The following PRICKLE4 variants were observed in gnomAD, a reference collection of about 807,000 sequenced individuals.
PRICKLE4 encodes the protein prickle planar cell polarity protein 4, also known as prickle-like protein 4.
In PRICKLE4, 40 loss-of-function variants were observed where a neutral mutation model predicts 43.5. The ratio of observed to expected loss-of-function variants is 0.92; its 90% confidence interval spans 0.71 to 1.20. The LOEUF is 1.20. PRICKLE4 is among the 50% of genes most tolerant of loss of function. The probability of loss-of-function intolerance (pLI) is 0.00; values close to 1 mark genes in which losing one functional copy is unlikely to be tolerated. For synonymous variants in PRICKLE4, 208 were observed against 197.4 expected (o/e 1.05, Z -0.45); for missense variants, 527 against 491.2 (o/e 1.07, Z -0.69).
intron 3 of PRICKLE4, chr6:41,783,814 G>A (rs757730499): frequency 2.6e-5 from 21 of 803,058 alleles, no homozygotes; most frequent in Non-Finnish European, 3.7e-5. Context: ...ATCTCTCCTA[G>A]GGGGTCTGTA....
chr6:41,787,219 T>C lies in PRICKLE4; in HGVS notation c.*90T>C, dbSNP rs1364029700. 1 of 1,464,672 alleles carries C rather than the reference T, an allele frequency of 6.8e-7. No homozygotes were observed. The highest frequency in any genetic ancestry group is 1.4e-5 in the African/African-American group (1 of 70,662). 90.7% of individuals were successfully genotyped at this position (1,464,672 alleles called of 1,614,324 possible). ...TAGCCTCCCCCTAACAATCCTAGAC[T>C]GAGACGCAGTCAGGCGCACGCCCGC... is the stretch of plus-strand genomic sequence containing the variant. On this transcript the variant is annotated 3_prime_UTR_variant, in exon 8 of 8. Coordinates refer to ENST00000458694, the MANE Select transcript of PRICKLE4 (RefSeq NM_013397.6).
rs1772669916 is a variant in PRICKLE4, at chr6:41,786,926, G to A, written c.952G>A (p.Glu318Lys). 6.2e-7 allele frequency: 1 copy of A among 1,613,916 alleles called. No homozygotes were observed. The change falls in exon 8 of 8, where the codon GAG becomes AAG. Residue 318 changes from glutamate to lysine, a missense_variant. Coordinates refer to ENST00000458694, the MANE Select transcript of PRICKLE4 (RefSeq NM_013397.6). ...QQENRPGDKA[E>K]APKGQEQCRL... ...GGAGAACCGACCTGGGGACAAAGCGGAGGCACCCAAAGGGCAGGAGCAATG... is the reference window on the plus strand; with the variant it reads ...GGAGAACCGACCTGGGGACAAAGCGAAGGCACCCAAAGGGCAGGAGCAATG...
In PRICKLE4 at chr6:41,786,268, C is replaced by T. The variant is rs760425762; in HGVS notation, c.723C>T (p.Phe241=). The T allele has an allele frequency of 1.3e-5, 20 of 1,599,208 alleles. No individual in the cohort carries two copies. The South Asian group carries it at 2.2e-4, about 18-fold the overall frequency. Residue 241 remains phenylalanine, a synonymous_variant, in exon 7 of 8, where the codon TTC becomes TTT. Transcript: ENST00000458694. ...PGGSPCCPSC[F]ENRYSDAGSS... The stretch of plus-strand genomic sequence containing the variant: ...GAAGCCCCTGCTGCCCCAGCTGCTT[C>T]GAGAACCGCTACTCGGATGCAGGCT...
intron 7 of PRICKLE4, 180 bp downstream of exon 7, chr6:41,786,512 C>A (rs1223271359): frequency 9.7e-7 from 1 of 1,031,664 alleles, no homozygotes; most frequent in Admixed American, 2.0e-5. Context: ...CTGGCCGGAG[C>A]GTTCCAAGGG....
Position 41,786,771 on chromosome 6 carries a change from G to C in PRICKLE4, c.797G>C (p.Gly266Ala). Residue 266 changes from glycine (G) to alanine (A), a missense_variant, in exon 8 of 8, where the codon GGA (glycine) becomes GCA (alanine). By Grantham distance (60) the Gly-to-Ala change is moderately conservative. Coordinates refer to ENST00000458694, the MANE Select transcript of PRICKLE4 (RefSeq NM_013397.6). ...ACCCGGCCCGGAACAGGGGAGACTG[G>C]ACTCGACCGAACTGAAGGAAGGGAC... is the stretch of plus-strand genomic sequence containing the variant. The part of the protein sequence containing the change: ...LEGQAFLGET[G>A]LDRTEGRDQT... 6.2e-7 allele frequency: 1 copy of C among 1,612,976 alleles called. No individual in the cohort carries two copies.
chr6:41,784,358 C>G, intron 4 of PRICKLE4, 120 bp downstream of exon 4: 2 of 776,210 alleles, frequency 2.6e-6, no homozygotes, highest in South Asian at 2.0e-5. Flanking sequence ...AGCTATGGCA[C>G]TGGTTGGGGC....
intron 7 of PRICKLE4, 148 bp downstream of exon 7, chr6:41,786,480 C>T (rs745547675): frequency 9.3e-7 from 1 of 1,073,026 alleles, no homozygotes; most frequent in Non-Finnish European, 1.4e-6. Flanking sequence ...GCCTCGGGGC[C>T]CGCAGCTCTC....
chr6:41,785,037 G>A lies in PRICKLE4; in HGVS notation c.343G>A (p.Val115Ile), dbSNP rs1561896161. 6.2e-7 allele frequency: 1 copy of A among 1,613,274 alleles called. No homozygotes were observed. Among genetic ancestry groups the A allele is most frequent in the Non-Finnish European group, 8.5e-7 (1 of 1,179,740 alleles). Residue 115 changes from valine (V) to isoleucine (I), a missense_variant, in exon 5 of 8, where the codon GTA (valine) becomes ATA (isoleucine). Transcript: ENST00000458694. The stretch of plus-strand genomic sequence containing the variant: ...CCTGGGACAGGGGGTAGCCCGCCTG[G>A]TACTTCCCAAGCTTGAAGGACACAC... ...EALGQGVARL[V>I]LPKLEGHTCE...
chr6:41,780,832 A>C lies in PRICKLE4; in HGVS notation c.-184+6A>C. On this transcript the variant is annotated splice_donor_region_variant and intron_variant, in intron 1 of 7. Coordinates refer to ENST00000458694, the MANE Select transcript of PRICKLE4 (RefSeq NM_013397.6). ...GACAGCGACGCACAGCGAGGGTGAG[A>C]CCCCAGCGGAGTCCTGGTCCCCTCC... 5.2e-6 allele frequency: 1 copy of C among 191,592 alleles called. No individual in the cohort carries two copies. The highest frequency in any genetic ancestry group is 1.1e-5 in the Non-Finnish European group (1 of 90,412). 11.9% of individuals were successfully genotyped at this position (191,592 alleles called of 1,614,324 possible). A position where few individuals can be genotyped will look rare whatever the true frequency, so the allele number is the denominator to read the frequency against.
chr6:41,786,401 G>A lies in PRICKLE4; in HGVS notation c.787+69G>A, dbSNP rs766436999. ...GGGCTGTGGGGGTTCTCCCGGGCTG[G>A]GACCCTCGCCCCGGTCCCACGCCGT... On this transcript the variant is annotated intron_variant, in intron 7 of 7. Transcript: ENST00000458694. The A allele has an allele frequency of 8.1e-6, 12 of 1,482,816 alleles. No individual in the cohort carries two copies. In the Admixed American group the frequency reaches 8.3e-5, roughly 10 times the overall value. The allele number at this position is 1,482,816 out of a possible 1,614,324, so 91.9% of individuals were successfully genotyped here.
At position 41,787,073 on chromosome 6, in the gene PRICKLE4, G is replaced by A. The variant is rs891557551; in HGVS notation, c.1099G>A (p.Gly367Arg). 2 of 1,612,862 alleles carry A rather than the reference G, an allele frequency of 1.2e-6. No individual in the cohort carries two copies. The highest frequency in any genetic ancestry group is 2.7e-5 in the African/African-American group (2 of 74,870). Residue 367 changes from glycine (G) to arginine (R), a missense_variant, in exon 8 of 8, where the codon GGA becomes AGA. Coordinates refer to ENST00000458694, the MANE Select transcript of PRICKLE4 (RefSeq NM_013397.6). The stretch of plus-strand genomic sequence containing the variant: ...CCTTCCCCAGTCCTGGAAGACCCCC[G>A]GAAGCCTCCAAGCAGAGGACAGCAA... ...ERLPQSWKTPGSLQAEDSNAS... is the reference protein window; with the variant it reads ...ERLPQSWKTPRSLQAEDSNAS...
Position 41,785,079 on chromosome 6 carries a change from A to C in PRICKLE4, c.378+7A>C. 1 of 1,613,352 alleles carries C rather than the reference A, an allele frequency of 6.2e-7. No individual in the cohort carries two copies. Among genetic ancestry groups the C allele is most frequent in the Non-Finnish European group, 8.5e-7 (1 of 1,179,704 alleles). ...AGGACACACCTGTGAGAAGGTATGT[A>C]GCACCCCTCCCCCCAAATTCCCCTT... On this transcript the variant is annotated splice_region_variant and intron_variant, in intron 5 of 7. Coordinates refer to ENST00000458694, the MANE Select transcript of PRICKLE4 (RefSeq NM_013397.6).
chr6:41,783,853 C>A (rs1165804681), intron 3 of PRICKLE4: 2 of 755,966 alleles, frequency 2.6e-6, no homozygotes, highest in African/African-American at 3.4e-5. Context: ...GGGGCTTTGG[C>A]CCCAAGGCGT....
chr6:41,782,562 T>A (rs1466044715), intron 2 of PRICKLE4, among the ~76,000 whole-genome samples: 2 of 151,714 alleles, frequency 1.3e-5, no homozygotes, highest in Non-Finnish European at 2.9e-5. Flanking sequence ...GCTAATTTTT[T>A]TAATATTTTT....
intron 5 of PRICKLE4, 59 bp from the exon 6 acceptor site, chr6:41,785,278 G>A: frequency 6.4e-7 from 1 of 1,571,926 alleles, no homozygotes; most frequent in Non-Finnish European, 8.7e-7. Context: ...GCAAGAGCAA[G>A]GAGGGAAGTT....
chr6:41,784,271 C>A (rs1328703531), intron 4 of PRICKLE4, 33 bp downstream of exon 4: 1 of 1,475,780 alleles, frequency 6.8e-7, no homozygotes, highest in Non-Finnish European at 9.3e-7. Flanking sequence ...CCCTCTCTTG[C>A]CTTTCCCTCC....
Position 41,785,095 on chromosome 6 carries a change from A to G in PRICKLE4, c.378+23A>G, listed in dbSNP as rs746384231. On this transcript the variant is annotated intron_variant, in intron 5 of 7. Coordinates refer to ENST00000458694, the MANE Select transcript of PRICKLE4 (RefSeq NM_013397.6). ...AAGGTATGTAGCACCCCTCCCCCCA[A>G]ATTCCCCTTCCTCTATTCTTTGCCC... 8 of 1,612,126 alleles carry G rather than the reference A, an allele frequency of 5.0e-6. No individual in the cohort carries two copies. The Admixed American group carries it at 5.0e-5, about 10-fold the overall frequency.
intron 5 of PRICKLE4, 76 bp from the exon 6 acceptor site, chr6:41,785,261 T>C: frequency 6.5e-7 from 1 of 1,543,894 alleles, no homozygotes; most frequent in Non-Finnish European, 8.9e-7. Context: ...CAGGTTGGGA[T>C]CGGATTGCAA....
intron 2 of PRICKLE4, among the ~76,000 whole-genome samples, chr6:41,782,278 G>C (rs1772565348): frequency 6.6e-6 from 1 of 151,804 alleles, no homozygotes; most frequent in Admixed American, 6.6e-5. Context: ...CCCCATGTTG[G>C]CCAGGATGGT....
Sources: allele counts gnomAD v4.1 joint callset (sites outside exome capture counted in the v4.1 genomes callset), GRCh38; gene constraint gnomAD v4.1.1; transcripts MANE v1.5; gene names NCBI Gene and HGNC (gene_info 2026-07-23, HGNC 2026-07-21).